The following KMO variants were observed in gnomAD, a reference collection of about 807,000 sequenced individuals.
KMO encodes the protein kynurenine 3-hydroxylase.
A neutral mutation model predicts 57.8 loss-of-function variants in KMO; 24 were observed. The ratio of observed to expected loss-of-function variants is 0.42; its 90% CI spans 0.30 to 0.58. The LOEUF (loss-of-function observed/expected upper bound fraction) is 0.58, where lower values mean the gene tolerates loss of function less well. Among genes scored for constraint, KMO ranks in the 20% least tolerant of loss-of-function variants. The pLI is 0.22. For synonymous variants in KMO, 210 were observed against 193.6 expected (o/e 1.08, Z -0.70); for missense variants, 483 against 588.2 (o/e 0.82, Z 1.85).
rs140360116 is a variant in KMO, at chr1:241,566,806, G to A, written c.809+194G>A. ...AATTCTGAAAAACACCCTTGACGTG[G>A]CCAGTTCCTCCGGGAAAGATGAGCC... On this transcript the variant is annotated intron_variant, in intron 9 of 14. Transcript: ENST00000366559. Among the ~76,000 whole-genome samples the A allele has an allele frequency of 3.9e-5, 6 of 152,294 alleles. No individual in the cohort carries two copies. In the East Asian group the frequency reaches 1.2e-3, roughly 29 times the overall value.
chr1:241,564,883 A>C (rs1344443020), intron 7 of KMO, 104 bp from the exon 8 acceptor site: 1 of 700,344 alleles, frequency 1.4e-6, no homozygotes, highest in Non-Finnish European at 2.5e-6. Flanking sequence ...CATCGTGTAG[A>C]TGCTACTGGT....
intron 5 of KMO, 23 bp downstream of exon 5, chr1:241,555,683 C>T: frequency 6.9e-7 from 1 of 1,445,472 alleles, no homozygotes. Flanking sequence ...TTTGATTCAT[C>T]AGTTGTCATT....
chr1:241,594,064 C>T lies in KMO; in HGVS notation c.*1911C>T, dbSNP rs113897665. 2.0e-3 allele frequency: 453 copies of T among 230,076 alleles called. 1 individual carries two copies. Among genetic ancestry groups the T allele is most frequent in the African/African-American group, 8.5e-3 (369 of 43,236 alleles). The allele number at this position is 230,076 out of a possible 1,614,324, so 14.3% of individuals were successfully genotyped here. Reference sequence around the variant, plus strand: ...TCTAGCTACTTCACACATGTGTACGCGACAGTTATTTTTACAGTAAGGTAT... The same window carrying T: ...TCTAGCTACTTCACACATGTGTACGTGACAGTTATTTTTACAGTAAGGTAT... On this transcript the variant is annotated 3_prime_UTR_variant, in exon 15 of 15. Coordinates refer to ENST00000366559, the MANE Select transcript of KMO (RefSeq NM_003679.5).
At position 241,589,922 on chromosome 1, in the gene KMO, C is replaced by A. The variant is rs111622611; in HGVS notation, c.1099-90C>A. 6.6e-4 allele frequency: 661 copies of A among 998,430 alleles called. 3 individuals carry two copies. In the African/African-American group the frequency reaches 8.9e-3, roughly 13 times the overall value. 61.8% of individuals were successfully genotyped at this position (998,430 alleles called of 1,614,324 possible). A position where few individuals can be genotyped will look rare whatever the true frequency, so the allele number is the denominator to read the frequency against. On this transcript the variant is annotated intron_variant, in intron 12 of 14. Transcript: ENST00000366559. ...TTTGACTACTTTGTGTTTGGCATTG[C>A]GATGAGTGGGAATGAAGAATAATAC...
At chr1:241,566,690 A>C in intron 9 of KMO, 78 bp downstream of exon 9, 1 of 1,509,934 alleles carries the variant, frequency 6.6e-7, no homozygotes, top group South Asian at 1.1e-5. Context: ...ACCTGATTTC[A>C]GTTTGGGTTA....
chr1:241,587,268 A>C (rs1663037321), intron 11 of KMO, among the ~76,000 whole-genome samples: 1 of 152,172 alleles, frequency 6.6e-6, no homozygotes, highest in African/African-American at 2.4e-5. Context: ...CTCCTATGAG[A>C]AACTAATGCC....
At chr1:241,577,747 C>T (rs1662577405) in intron 10 of KMO, among the ~76,000 whole-genome samples, 1 of 152,108 alleles carries the variant, frequency 6.6e-6, no homozygotes, top group African/African-American at 2.4e-5. Flanking sequence ...GAGAAGGTAT[C>T]CCTGGGCAGA....
intron 10 of KMO, among the ~76,000 whole-genome samples, chr1:241,579,565 C>T (rs972246082): frequency 6.6e-6 from 1 of 152,096 alleles, no homozygotes; most frequent in Non-Finnish European, 1.5e-5. Flanking sequence ...CTTCCATGCA[C>T]TTGGCAAGGC....
At chr1:241,538,724 T>C (rs927168334) in intron 1 of KMO, among the ~76,000 whole-genome samples, 4 of 152,202 alleles carry the variant, frequency 2.6e-5, no homozygotes, top group African/African-American at 7.2e-5. Flanking sequence ...AGAGGTGGAA[T>C]GGATTTCTTT....
chr1:241,564,911 CTA>C, intron 7 of KMO, 74 bp from the exon 8 acceptor site: 1 of 862,936 alleles, frequency 1.2e-6, no homozygotes, highest in Non-Finnish European at 1.9e-6. Context: ...ACTGTGGAAA[CTA>C]TTATAAAGCT....
chr1:241,565,768 C>CT (rs1662052471), intron 8 of KMO, among the ~76,000 whole-genome samples: 1 of 152,006 alleles, frequency 6.6e-6, no homozygotes, highest in Non-Finnish European at 1.5e-5. Context: ...ACCCTAGAGA[C>CT]TTTTTTCCTA....
chr1:241,588,706 T>C, intron 11 of KMO, 42 bp from the exon 12 acceptor site: 1 of 1,455,424 alleles, frequency 6.9e-7, no homozygotes, highest in Non-Finnish European at 9.6e-7. Flanking sequence ...TTCAGCACAT[T>C]TTTATAGAAG....
At position 241,549,942 on chromosome 1, in the gene KMO, T is replaced by C. The variant is rs1661336083; in HGVS notation, c.222+168T>C. ...TCGAAATTTGGCAAGAGGGTGAACA[T>C]TGGACACTCGAGGCACCCGAGGAGG... On this transcript the variant is annotated intron_variant, in intron 3 of 14. Transcript: ENST00000366559. The C allele has an allele frequency of 7.1e-6, 4 of 559,786 alleles. 1 individual carries two copies. Among genetic ancestry groups the C allele is most frequent in the South Asian group, 6.7e-5 (3 of 44,964 alleles). 34.7% of individuals were successfully genotyped at this position (559,786 alleles called of 1,614,324 possible). A position where few individuals can be genotyped will look rare whatever the true frequency, so the allele number is the denominator to read the frequency against.
chr1:241,556,793 G>T (rs1661642930), intron 5 of KMO, among the ~76,000 whole-genome samples: 1 of 152,148 alleles, frequency 6.6e-6, no homozygotes, highest in Non-Finnish European at 1.5e-5. Context: ...GGAGGCTGAG[G>T]CAGGAGAATT....
chr1:241,566,621 C>T lies in KMO; in HGVS notation c.809+9C>T. On this transcript the variant is annotated intron_variant, in intron 9 of 14. Coordinates refer to ENST00000366559, the MANE Select transcript of KMO (RefSeq NM_003679.5). The stretch of plus-strand genomic sequence containing the variant: ...ATCCCTCTAATTGGAGAGTAAGTTG[C>T]AAGATGTGCCTTTTGCTCCATTTGT... 1 of 1,613,180 alleles carries T rather than the reference C, an allele frequency of 6.2e-7. No individual in the cohort carries two copies. The highest frequency in any genetic ancestry group is 8.5e-7 in the Non-Finnish European group (1 of 1,179,366).
intron 11 of KMO, among the ~76,000 whole-genome samples, chr1:241,588,244 T>C (rs1663089254): frequency 6.6e-6 from 1 of 151,740 alleles, no homozygotes; most frequent in Admixed American, 6.6e-5. Context: ...ATGTTTGCTG[T>C]GGTGTTTTAG....
At chr1:241,540,365 T>C (rs1337857897) in intron 1 of KMO, among the ~76,000 whole-genome samples, 1 of 152,060 alleles carries the variant, frequency 6.6e-6, no homozygotes, top group Non-Finnish European at 1.5e-5. Context: ...CACATCTATA[T>C]ACATATATAT....
At chr1:241,576,024 CTT>C (rs34772001) in intron 10 of KMO, among the ~76,000 whole-genome samples, 17 of 143,244 alleles carry the variant, frequency 1.2e-4, no homozygotes, top group African/African-American at 2.3e-4. Context: ...CCTTCTTTGT[CTT>C]TTTTTTTTTT....
At chr1:241,585,591 C>G (rs181787972) in intron 10 of KMO, among the ~76,000 whole-genome samples, 2 of 151,880 alleles carry the variant, frequency 1.3e-5, no homozygotes, top group African/African-American at 4.8e-5. Context: ...AATGCCATCT[C>G]TATAAAAATA....
Sources: allele counts gnomAD v4.1 joint callset (sites outside exome capture counted in the v4.1 genomes callset), GRCh38; gene constraint gnomAD v4.1.1; transcripts MANE v1.5; gene names NCBI Gene and HGNC (gene_info 2026-07-23, HGNC 2026-07-21).